PDE4D: variants seen among roughly 807,000 people sequenced by gnomAD.
PDE4D encodes the protein 3',5'-cyclic-AMP phosphodiesterase 4D.
Under a neutral mutation model 87.4 loss-of-function variants are expected in PDE4D, and 24 were observed. That is an observed-to-expected ratio of 0.27 (90% confidence interval 0.20 to 0.39). The LOEUF is 0.39. PDE4D is among the 10% of genes least tolerant of loss of function. The pLI is 1.00. For synonymous variants in PDE4D, 384 were observed against 383.2 expected (o/e 1.00, Z -0.02); for missense variants, 714 against 1,041.0 (o/e 0.69, Z 4.32).
rs565475127 is a variant in PDE4D at position 59,995,405 on chromosome 5, G to A, written c.43-6688C>T. ...ATGATCTCAGCTCACTGCAACCCTC[G>A]CCTTCCAAGTTCAAGTGATTCTTCT... On this transcript the variant is annotated intron_variant, in intron 2 of 16. Coordinates refer to the PDE4D transcript ENST00000502484. Among the ~76,000 whole-genome samples, 5 of 148,880 alleles carry A rather than the reference G, an allele frequency of 3.4e-5. No individual in the cohort carries two copies. In the South Asian group the frequency reaches 1.1e-3, roughly 32 times the overall value.
intron 1 of PDE4D, among the ~76,000 whole-genome samples, chr5:59,429,376 C>T (rs1795773275): frequency 1.3e-5 from 2 of 152,068 alleles, no homozygotes; most frequent in Admixed American, 1.3e-4. Flanking sequence ...TATTGTCTCA[C>T]AAAAATCAGA....
intron 2 of PDE4D, among the ~76,000 whole-genome samples, chr5:59,196,709 A>G (rs1745528421): frequency 6.6e-6 from 1 of 152,216 alleles, no homozygotes; most frequent in Admixed American, 6.5e-5. Flanking sequence ...ACAAATCAGT[A>G]AACTGTGTAG....
intron 2 of PDE4D, among the ~76,000 whole-genome samples, chr5:60,103,820 G>C (rs1776515800): frequency 6.6e-6 from 1 of 151,854 alleles, no homozygotes; most frequent in Non-Finnish European, 1.5e-5. Context: ...CTAGCATTAA[G>C]AAGAATATCA....
At chr5:60,371,082 T>C (rs1420380513) in intron 1 of PDE4D, among the ~76,000 whole-genome samples, 1 of 150,632 alleles carries the variant, frequency 6.6e-6, no homozygotes, top group East Asian at 1.9e-4. Context: ...AGCCTTAAAT[T>C]TTTTTGTACA....
intron 1 of PDE4D, among the ~76,000 whole-genome samples, chr5:59,604,699 C>T (rs751869590): frequency 6.6e-6 from 1 of 151,908 alleles, no homozygotes; most frequent in Non-Finnish European, 1.5e-5. Context: ...AAAAATAAAT[C>T]AAACTACAAT....
chr5:60,272,158 C>T lies in PDE4D; in HGVS notation c.-89-86471G>A, dbSNP rs949091842. Among the ~76,000 whole-genome samples, 51 of 152,292 alleles carry T rather than the reference C, an allele frequency of 3.3e-4. 1 individual carries two copies. Among genetic ancestry groups the T allele is most frequent in the African/African-American group, 9.4e-4 (39 of 41,560 alleles). On this transcript the variant is annotated intron_variant, in intron 1 of 16. Coordinates refer to the PDE4D transcript ENST00000502484. ...CTATAAAGGGATCATCAACCCTCCA[C>T]CTGGGAGACAGCATTAAAATTATGC... is the stretch of plus-strand genomic sequence containing the variant.
intron 1 of PDE4D, among the ~76,000 whole-genome samples, chr5:60,408,858 C>A (rs1741798853): frequency 6.6e-6 from 1 of 152,150 alleles, no homozygotes; most frequent in Non-Finnish European, 1.5e-5. Context: ...TGTGCTTATG[C>A]AAGGTACTTT....
At chr5:59,394,330 T>C (rs1450369759) in intron 1 of PDE4D, among the ~76,000 whole-genome samples, 1 of 152,208 alleles carries the variant, frequency 6.6e-6, no homozygotes, top group East Asian at 1.9e-4. Flanking sequence ...CTATACATAA[T>C]AGGCAAAATG....
intron 2 of PDE4D, among the ~76,000 whole-genome samples, chr5:60,161,883 T>G (rs1017980626): frequency 2.0e-5 from 3 of 152,166 alleles, no homozygotes; most frequent in African/African-American, 7.2e-5. Flanking sequence ...AGGAGAAAAC[T>G]GAGATGCAAT....
intron 2 of PDE4D, among the ~76,000 whole-genome samples, chr5:60,078,656 T>G (rs1196001240): frequency 6.6e-6 from 1 of 152,156 alleles, no homozygotes; most frequent in Non-Finnish European, 1.5e-5. Context: ...TCTGTTCCAG[T>G]GTTAGTTTCT....
intron 1 of PDE4D, among the ~76,000 whole-genome samples, chr5:60,381,053 C>T (rs1761823651): frequency 1.3e-5 from 2 of 152,150 alleles, no homozygotes; most frequent in South Asian, 4.1e-4. Flanking sequence ...TGAGAGTAAG[C>T]CTTGAGCCAC....
chr5:59,516,398 T>A (rs896643888), intron 1 of PDE4D, among the ~76,000 whole-genome samples: 1 of 152,190 alleles, frequency 6.6e-6, no homozygotes, highest in African/African-American at 2.4e-5. Flanking sequence ...TCTGGAGGGA[T>A]ATGATTTTCA....
intron 5 of PDE4D, among the ~76,000 whole-genome samples, chr5:59,088,455 T>C (rs1435172521): frequency 6.6e-6 from 1 of 152,190 alleles, no homozygotes; most frequent in Non-Finnish European, 1.5e-5. Context: ...TCTGGGTATA[T>C]GCCCAAAGGA....
At chr5:59,396,907 A>G (rs1789531606) in intron 1 of PDE4D, among the ~76,000 whole-genome samples, 1 of 115,066 alleles carries the variant, frequency 8.7e-6, no homozygotes, top group Admixed American at 8.6e-5. Flanking sequence ...GCAAATGGAA[A>G]ACAAAAAAAG....
At chr5:60,289,349 T>C (rs970704312) in intron 1 of PDE4D, among the ~76,000 whole-genome samples, 3 of 152,176 alleles carry the variant, frequency 2.0e-5, no homozygotes, top group Non-Finnish European at 2.9e-5. Flanking sequence ...AAAATAAGCA[T>C]GACATTTTGC....
At chr5:59,615,863 A>G (rs1204326305) in intron 1 of PDE4D, among the ~76,000 whole-genome samples, 3 of 152,206 alleles carry the variant, frequency 2.0e-5, no homozygotes, top group African/African-American at 7.2e-5. Flanking sequence ...GTATAGGTCT[A>G]GGCAGTTTTC....
intron 3 of PDE4D, among the ~76,000 whole-genome samples, chr5:59,928,640 C>G (rs888893224): frequency 6.6e-6 from 1 of 152,056 alleles, no homozygotes; most frequent in African/African-American, 2.4e-5. Context: ...CCCCAGCCCC[C>G]TGGGTATCTA....
At chr5:60,324,336 G>C (rs1756582390) in intron 1 of PDE4D, among the ~76,000 whole-genome samples, 1 of 152,130 alleles carries the variant, frequency 6.6e-6, no homozygotes, top group Non-Finnish European at 1.5e-5. Flanking sequence ...TAATAAACTA[G>C]GAGCATCTCT....
intron 1 of PDE4D, among the ~76,000 whole-genome samples, chr5:60,419,845 G>A (rs552207783): frequency 5.9e-5 from 9 of 152,284 alleles, no homozygotes; most frequent in East Asian, 5.8e-4. Flanking sequence ...CTCTGCCCAC[G>A]AATGTCCACC....
Sources: gnomAD v4.1 joint callset for allele counts (sites outside exome capture counted in the v4.1 genomes callset) on GRCh38, gnomAD v4.1.1 for gene constraint, MANE v1.5 for transcripts, NCBI Gene and HGNC (gene_info 2026-07-23, HGNC 2026-07-21) for gene names.